The following SUGT1 variants were observed in gnomAD, a reference collection of about 807,000 sequenced individuals.
SUGT1 encodes protein SGT1 homolog.
In SUGT1, 15 loss-of-function variants were observed where a neutral mutation model predicts 56.1. The ratio of observed to expected loss-of-function variants is 0.27; its 90% CI spans 0.18 to 0.41. SUGT1 has a LOEUF of 0.41. Among genes scored for constraint, SUGT1 ranks in the 10% least tolerant of loss-of-function variants. The pLI is 1.00. For synonymous variants in SUGT1, 123 were observed against 128.6 expected (o/e 0.96, Z 0.30); for missense variants, 347 against 382.2 (o/e 0.91, Z 0.77).
chr13:52,675,718 A>G, intron 10 of SUGT1, among the ~76,000 whole-genome samples: 1 of 152,356 alleles, frequency 6.6e-6, no homozygotes, highest in East Asian at 1.9e-4. Context: ...AAGTTTCTCC[A>G]CTGTAAAACA....
At position 52,686,263 on chromosome 13, in the gene SUGT1, A is replaced by T. The variant is rs563639601; in HGVS notation, c.901-1471A>T. Among the ~76,000 whole-genome samples, 4 of 152,270 alleles carry T rather than the reference A, an allele frequency of 2.6e-5. No homozygotes were observed. In the South Asian group the frequency reaches 8.3e-4, roughly 32 times the overall value. On this transcript the variant is annotated intron_variant, in intron 12 of 12. Transcript: ENST00000310528. ...TTATTATACAGACTTGTCAAATGTA[A>T]TTCAGTCATTTTATTTAAAGCCCAC...
chr13:52,671,937 C>T (rs1386401324), intron 10 of SUGT1, among the ~76,000 whole-genome samples: 1 of 152,158 alleles, frequency 6.6e-6, no homozygotes, highest in African/African-American at 2.4e-5. Context: ...CAAATTATTT[C>T]ATATCTTGGC....
At chr13:52,677,532 T>C (rs1963197537) in intron 11 of SUGT1, among the ~76,000 whole-genome samples, 3 of 152,214 alleles carry the variant, frequency 2.0e-5, no homozygotes, top group South Asian at 4.1e-4. Flanking sequence ...TTAAAAAATA[T>C]ATAATCACTT....
chr13:52,661,612 A>G (rs1370475393), intron 5 of SUGT1: 4 of 417,988 alleles, frequency 9.6e-6, no homozygotes, highest in Non-Finnish European at 1.9e-5. Context: ...GAAAAAGTTA[A>G]GTTAAACTTT....
intron 11 of SUGT1, among the ~76,000 whole-genome samples, chr13:52,678,067 C>G (rs946431965): frequency 6.6e-6 from 1 of 152,110 alleles, no homozygotes; most frequent in Non-Finnish European, 1.5e-5. Flanking sequence ...CTATCTGACC[C>G]AGCTTGCTTA....
chr13:52,662,540 C>CGAGGAGAG, intron 5 of SUGT1, 109 bp from the exon 6 acceptor site: 1 of 1,041,476 alleles, frequency 9.6e-7, no homozygotes, highest in Non-Finnish European at 1.4e-6. Context: ...TCGCTGCCGA[C>CGAGGAGAG]TCCCCAGTGC....
intron 8 of SUGT1, among the ~76,000 whole-genome samples, chr13:52,665,065 G>A (rs559473926): frequency 2.2e-4 from 34 of 152,178 alleles, no homozygotes; most frequent in African/African-American, 8.2e-4. Flanking sequence ...GGAAAGTGTT[G>A]TATATGATGT....
At chr13:52,662,540 C>CGATAGCGT in intron 5 of SUGT1, 109 bp from the exon 6 acceptor site, 2 of 1,041,476 alleles carry the variant, frequency 1.9e-6, no homozygotes, top group South Asian at 1.7e-5. Context: ...TCGCTGCCGA[C>CGATAGCGT]TCCCCAGTGC....
In SUGT1 at chr13:52,692,018, T is replaced by A. The variant is rs1270624709; in HGVS notation, c.*4183T>A. Reference sequence around the variant, plus strand: ...GATTAATTTAACTCTTAGCCTCACTTCCTACCTTAGTAAAGTTGCTCCTCC... The same window carrying A: ...GATTAATTTAACTCTTAGCCTCACTACCTACCTTAGTAAAGTTGCTCCTCC... On this transcript the variant is annotated 3_prime_UTR_variant, in exon 13 of 13. Coordinates refer to ENST00000310528, the MANE Select transcript of SUGT1 (RefSeq NM_006704.5). The A allele has an allele frequency of 6.6e-6, 1 of 152,208 alleles. No homozygotes were observed. The highest frequency in any genetic ancestry group is 1.5e-5 in the Non-Finnish European group (1 of 68,030). The allele number at this position is 152,208 out of a possible 1,614,324, so 9.4% of individuals were successfully genotyped here. A position where few individuals can be genotyped will look rare whatever the true frequency, so the allele number is the denominator to read the frequency against.
chr13:52,687,791 G>A lies in SUGT1; in HGVS notation c.958G>A (p.Val320Ile). Residue 320 changes from valine to isoleucine, a missense_variant, in exon 13 of 13, where the codon GTT becomes ATT. Transcript: ENST00000310528. ...CTGGTCTGATGTAGGTAAAAGGAAA[G>A]TTGAAATCAATCCTCCTGATGATAT... is the stretch of plus-strand genomic sequence containing the variant. ...TNWSDVGKRK[V>I]EINPPDDMEW... The A allele has an allele frequency of 6.2e-7, 1 of 1,602,156 alleles. No homozygotes were observed. Among genetic ancestry groups the A allele is most frequent in the Non-Finnish European group, 8.5e-7 (1 of 1,175,232 alleles).
chr13:52,665,317 G>C (rs1439427145), intron 8 of SUGT1, among the ~76,000 whole-genome samples: 1 of 151,946 alleles, frequency 6.6e-6, no homozygotes, highest in Non-Finnish European at 1.5e-5. Flanking sequence ...ATAAATATTA[G>C]CTTGTTTAAA....
At chr13:52,672,744 G>A (rs1489883522) in intron 10 of SUGT1, among the ~76,000 whole-genome samples, 2 of 152,100 alleles carry the variant, frequency 1.3e-5, no homozygotes, top group Non-Finnish European at 2.9e-5. Context: ...ATAGTAGGTG[G>A]GATCTTACTT....
At chr13:52,662,604 A>G (rs1393403384) in intron 5 of SUGT1, 45 bp from the exon 6 acceptor site, 2 of 1,591,560 alleles carry the variant, frequency 1.3e-6, no homozygotes, top group East Asian at 2.2e-5. Flanking sequence ...GTTGATTTAT[A>G]GGTTGTGCAG....
intron 2 of SUGT1, among the ~76,000 whole-genome samples, chr13:52,654,702 A>G (rs893205711): frequency 2.6e-5 from 4 of 152,214 alleles, no homozygotes; most frequent in Admixed American, 1.3e-4. Context: ...GCTTTATTGA[A>G]TGTAGACACT....
chr13:52,679,933 A>G (rs1178711800), intron 11 of SUGT1, 41 bp from the exon 12 acceptor site: 1 of 1,541,072 alleles, frequency 6.5e-7, no homozygotes, highest in African/African-American at 1.4e-5. Context: ...ACATAATTGA[A>G]ACATGTTGAT....
In SUGT1 at chr13:52,699,661, G is replaced by A. The variant is rs1204778183; in HGVS notation, c.*11826G>A. 6.6e-6 allele frequency: 1 copy of A among 152,088 alleles called. No individual in the cohort carries two copies. Among genetic ancestry groups the A allele is most frequent in the Admixed American group, 6.6e-5 (1 of 15,262 alleles). 9.4% of individuals were successfully genotyped at this position (152,088 alleles called of 1,614,324 possible). The stretch of plus-strand genomic sequence containing the variant: ...TTAGTCCCGCTAAGAGAAAGTTTTT[G>A]CTTGTCTAGTTTATTACAGGTCTTT... On this transcript the variant is annotated 3_prime_UTR_variant, in exon 13 of 13. Transcript: ENST00000310528.
At chr13:52,673,251 T>C (rs910189491) in intron 10 of SUGT1, among the ~76,000 whole-genome samples, 2 of 14,724 alleles carry the variant, frequency 1.4e-4, no homozygotes, top group South Asian at 3.0e-3. Flanking sequence ...ACTTTTTTTT[T>C]TTTTGTGTGG....
At chr13:52,659,814 A>ATATATAT (rs1555271105) in intron 5 of SUGT1, among the ~76,000 whole-genome samples, 1 of 58,726 alleles carries the variant, frequency 1.7e-5, no homozygotes, top group African/African-American at 7.4e-5. Context: ...ATATATATAT[A>ATATATAT]TTTTTTTTTT....
In SUGT1 at chr13:52,692,629, T is replaced by TCA. The variant is rs1963815019; in HGVS notation, c.*4794_*4795insCA. 6.6e-6 allele frequency: 1 copy of TCA among 152,322 alleles called. No individual in the cohort carries two copies. Among genetic ancestry groups the TCA allele is most frequent in the Non-Finnish European group, 1.5e-5 (1 of 68,130 alleles). 9.4% of individuals were successfully genotyped at this position (152,322 alleles called of 1,614,324 possible). A position where few individuals can be genotyped will look rare whatever the true frequency, so the allele number is the denominator to read the frequency against. ...TTTCACCATGTTGGTCAGGCTGGTC[T>TCA]TGAACTCCTGACCTCATGATCCGCC... On this transcript the variant is annotated 3_prime_UTR_variant, in exon 13 of 13. Coordinates refer to ENST00000310528, the MANE Select transcript of SUGT1 (RefSeq NM_006704.5).
Sources: gnomAD v4.1 joint callset for allele counts (sites outside exome capture counted in the v4.1 genomes callset) on GRCh38, gnomAD v4.1.1 for gene constraint, MANE v1.5 for transcripts, NCBI Gene and HGNC (gene_info 2026-07-23, HGNC 2026-07-21) for gene names.